The following NFIB variants were observed in gnomAD, a reference collection of about 807,000 sequenced individuals.
NFIB encodes the protein nuclear factor I B.
In NFIB, 11 loss-of-function variants were observed where a neutral mutation model predicts 61.5. That is an observed-to-expected ratio of 0.18 (90% CI 0.11 to 0.30). NFIB has a LOEUF of 0.30. Among genes scored for constraint, NFIB ranks in the 10% least tolerant of loss-of-function variants. The probability of loss-of-function intolerance (pLI) is 1.00; values close to 1 mark genes in which losing one functional copy is unlikely to be tolerated. For synonymous variants in NFIB, 260 were observed against 216.5 expected, an observed-to-expected ratio of 1.20 and a Z score of -1.76; for missense variants, 471 against 608.9, an observed-to-expected ratio of 0.77 and a Z score of 2.38.
chr9:14,236,566 T>C (rs546789868), intron 2 of NFIB, among the ~76,000 whole-genome samples: 1 of 152,336 alleles, frequency 6.6e-6, no homozygotes, highest in Admixed American at 6.5e-5. Context: ...TCATCCGTGC[T>C]GGACTAACTG....
At chr9:14,354,780 CTGTGTGTGTGTGTG>C (rs67877825) in intron 1 of NFIB, among the ~76,000 whole-genome samples, 2 of 145,776 alleles carry the variant, frequency 1.4e-5, no homozygotes, top group African/African-American at 2.6e-5. Flanking sequence ...AATGGGTACT[CTGTGTGTGTGTGTG>C]TGTGTGTGTG....
At chr9:14,463,659 C>CTCCTTTTTTTTTT in the NFIB span, among the ~76,000 whole-genome samples, 1 of 65,824 alleles carries the variant, frequency 1.5e-5, no homozygotes, top group Non-Finnish European at 3.0e-5. Flanking sequence ...ATTTGATTTT[C>CTCCTTTTTTTTTT]TTTTTTTTTT....
chr9:14,187,013 G>C (rs918443916), intron 2 of NFIB, among the ~76,000 whole-genome samples: 2 of 92,412 alleles, frequency 2.2e-5, no homozygotes, highest in African/African-American at 1.2e-4. Context: ...TCCTGTGTGT[G>C]TGTGTGTGTG....
the NFIB span, among the ~76,000 whole-genome samples, chr9:14,475,363 G>A: frequency 2.0e-5 from 3 of 152,174 alleles, no homozygotes; most frequent in Non-Finnish European, 4.4e-5. Context: ...TCGACCATTA[G>A]TGTGATAAAA....
intron 5 of NFIB, among the ~76,000 whole-genome samples, chr9:14,148,950 C>T (rs2131140559): frequency 6.6e-6 from 1 of 152,262 alleles, no homozygotes; most frequent in East Asian, 1.9e-4. Context: ...GGACAAATTA[C>T]ATGCATAAGG....
At chr9:14,176,260 A>T (rs2046179978) in intron 3 of NFIB, among the ~76,000 whole-genome samples, 1 of 144,566 alleles carries the variant, frequency 6.9e-6, no homozygotes, top group African/African-American at 2.5e-5. Flanking sequence ...ACTTGTTAAA[A>T]AAAAAAAAAA....
intron 2 of NFIB, among the ~76,000 whole-genome samples, chr9:14,249,798 C>T (rs1207770670): frequency 1.3e-5 from 2 of 152,034 alleles, no homozygotes; most frequent in African/African-American, 4.8e-5. Flanking sequence ...TCCACAACCC[C>T]TTCACCACCC....
At chr9:14,411,417 A>C in the NFIB span, among the ~76,000 whole-genome samples, 2 of 152,192 alleles carry the variant, frequency 1.3e-5, no homozygotes, top group Non-Finnish European at 2.9e-5. Context: ...GGTGTGGCTC[A>C]GAGTGGCCAA....
At chr9:14,272,492 G>A (rs1481073352) in intron 2 of NFIB, among the ~76,000 whole-genome samples, 1 of 151,728 alleles carries the variant, frequency 6.6e-6, no homozygotes, top group African/African-American at 2.4e-5. Flanking sequence ...TAAATTTAAA[G>A]CCTCTTCATC....
chr9:14,400,326 A>C (rs970713863), upstream of NFIB, among the ~76,000 whole-genome samples: 1 of 152,222 alleles, frequency 6.6e-6, no homozygotes, highest in Non-Finnish European at 1.5e-5. Context: ...TGTTTGCTGA[A>C]GTACTTGCAA....
At chr9:14,211,129 G>A (rs1044440690) in intron 2 of NFIB, among the ~76,000 whole-genome samples, 15 of 151,942 alleles carry the variant, frequency 9.9e-5, no homozygotes, top group East Asian at 1.9e-4. Flanking sequence ...AAAAACTTGC[G>A]GTAAAATTAA....
chr9:14,425,745 T>C, the NFIB span, among the ~76,000 whole-genome samples: 1 of 151,936 alleles, frequency 6.6e-6, no homozygotes, highest in South Asian at 2.1e-4. Flanking sequence ...ATTGATTGAT[T>C]GGACCATGGG....
At chr9:14,262,200 A>C (rs563636685) in intron 2 of NFIB, among the ~76,000 whole-genome samples, 5 of 152,078 alleles carry the variant, frequency 3.3e-5, no homozygotes, top group Non-Finnish European at 7.4e-5. Context: ...GGGATATTTC[A>C]AACCTGGCTT....
the NFIB span, among the ~76,000 whole-genome samples, chr9:14,457,689 C>T: frequency 2.6e-5 from 4 of 151,870 alleles, no homozygotes; most frequent in African/African-American, 9.7e-5. Context: ...GGGGTTATCA[C>T]CACCGATCCC....
intron 1 of NFIB, among the ~76,000 whole-genome samples, chr9:14,375,802 G>T (rs2061412430): frequency 6.6e-6 from 1 of 152,194 alleles, no homozygotes; most frequent in Non-Finnish European, 1.5e-5. Flanking sequence ...TGAAGTCAGA[G>T]TTCTGTTACT....
intron 5 of NFIB, among the ~76,000 whole-genome samples, chr9:14,149,005 C>T (rs144005341): frequency 1.5e-4 from 23 of 152,272 alleles, no homozygotes; most frequent in African/African-American, 5.5e-4. Context: ...CTCTGAAAGA[C>T]AGTATCTTAT....
rs557961947 is a variant in NFIB, at chr9:14,347,870, C to G, written c.109-40350G>C. ...CTCGCCGAGGGTCCCAGTATCCCGC[C>G]GCCCAGCAAGGGCCGAGCGCGCGCG... On this transcript the variant is annotated intron_variant, in intron 1 of 8. Transcript: ENST00000380934. 8.5e-5 allele frequency among the ~76,000 whole-genome samples: 13 copies of G among 152,264 alleles called. No homozygotes were observed. The South Asian group carries it at 2.7e-3, about 32-fold the overall frequency.
chr9:14,163,471 A>C (rs1158090762), intron 3 of NFIB, among the ~76,000 whole-genome samples: 3 of 151,984 alleles, frequency 2.0e-5, no homozygotes, highest in Non-Finnish European at 4.4e-5. Context: ...GAAATCAGGC[A>C]AATTCAAACA....
chr9:14,509,802 TA>T, the NFIB span, among the ~76,000 whole-genome samples: 1 of 152,234 alleles, frequency 6.6e-6, no homozygotes. Flanking sequence ...CCTTCCTGGT[TA>T]AAAACTAGCA....
Sources: allele counts gnomAD v4.1 joint callset (sites outside exome capture counted in the v4.1 genomes callset), GRCh38; gene constraint gnomAD v4.1.1; transcripts MANE v1.5; gene names NCBI Gene and HGNC (gene_info 2026-07-23, HGNC 2026-07-21).